Variants in ARMH3 observed in about 807,000 individuals in gnomAD.
The protein encoded by ARMH3 is armadillo-like helical domain-containing protein 3.
In ARMH3, 60 loss-of-function variants were observed where a neutral mutation model predicts 99.1. The observed-to-expected ratio is 0.61, with a 90% CI of 0.49 to 0.75. The LOEUF (loss-of-function observed/expected upper bound fraction) is 0.75. Among genes scored for constraint, ARMH3 ranks in the 30% least tolerant of loss-of-function variants. The probability of loss-of-function intolerance (pLI) is 0.00; values close to 1 mark genes in which losing one functional copy is unlikely to be tolerated. For synonymous variants in ARMH3, 285 were observed against 292.8 expected, an observed-to-expected ratio of 0.97 and a Z score of 0.27; for missense variants, 679 against 843.1, an observed-to-expected ratio of 0.81 and a Z score of 2.41.
chr10:101,951,183 G>A (rs542003004), intron 22 of ARMH3, among the ~76,000 whole-genome samples: 8 of 152,162 alleles, frequency 5.3e-5, no homozygotes, highest in Non-Finnish European at 1.0e-4. Context: ...TTTTGTCAGG[G>A]ATTGTAAGGT....
chr10:101,902,589 A>G (rs1386008001), intron 23 of ARMH3, among the ~76,000 whole-genome samples: 1 of 152,064 alleles, frequency 6.6e-6, no homozygotes, highest in East Asian at 1.9e-4. Context: ...CTTCAGGTCT[A>G]GAACAAGAGC....
intron 20 of ARMH3, among the ~76,000 whole-genome samples, chr10:101,966,107 T>C (rs943910465): frequency 2.6e-4 from 38 of 146,260 alleles, no homozygotes; most frequent in African/African-American, 9.3e-4. Flanking sequence ...CTTTTCTTTT[T>C]TTTTTTTTTT....
At chr10:102,000,397 G>T (rs778637735) in intron 15 of ARMH3, among the ~76,000 whole-genome samples, 44 of 152,092 alleles carry the variant, frequency 2.9e-4, no homozygotes, top group Admixed American at 8.5e-4. Flanking sequence ...GTTGCTGTCA[G>T]GCCTTGGGGC....
intron 24 of ARMH3, among the ~76,000 whole-genome samples, chr10:101,865,642 C>T (rs2066984964): frequency 6.6e-6 from 1 of 152,026 alleles, no homozygotes; most frequent in South Asian, 2.1e-4. Flanking sequence ...GCATGAACCA[C>T]CACTCCAGGC....
At chr10:101,871,631 C>T (rs2067134659) in intron 24 of ARMH3, among the ~76,000 whole-genome samples, 1 of 152,088 alleles carries the variant, frequency 6.6e-6, no homozygotes. Flanking sequence ...ACATTTACCA[C>T]ACACCATAAA....
At chr10:101,902,249 A>G (rs1431160066) in intron 23 of ARMH3, among the ~76,000 whole-genome samples, 1 of 152,214 alleles carries the variant, frequency 6.6e-6, no homozygotes, top group Admixed American at 6.5e-5. Context: ...TATTCAACAG[A>G]AACTCTCACA....
intron 8 of ARMH3, among the ~76,000 whole-genome samples, chr10:102,019,390 T>C (rs1225753951): frequency 1.3e-5 from 2 of 151,884 alleles, no homozygotes; most frequent in Non-Finnish European, 2.9e-5. Context: ...GTACTCCTTC[T>C]ACTTATTTAA....
intron 8 of ARMH3, among the ~76,000 whole-genome samples, chr10:102,015,030 T>A (rs1174258883): frequency 1.3e-5 from 2 of 152,188 alleles, no homozygotes; most frequent in Admixed American, 1.3e-4. Flanking sequence ...TCTGAGGGCA[T>A]CTTTCGCACG....
chr10:101,943,221 C>T (rs1034232559), intron 22 of ARMH3, among the ~76,000 whole-genome samples: 4 of 152,168 alleles, frequency 2.6e-5, no homozygotes, highest in Non-Finnish European at 4.4e-5. Context: ...TCTGCAGATC[C>T]CTTACATCTC....
chr10:102,046,348 A>G (rs1325191578), intron 1 of ARMH3, among the ~76,000 whole-genome samples: 2 of 148,104 alleles, frequency 1.4e-5, no homozygotes, highest in African/African-American at 2.4e-5. Context: ...AAAAGAAAAA[A>G]AAAAGAAAAA....
intron 1 of ARMH3, among the ~76,000 whole-genome samples, chr10:102,053,291 C>T (rs2067754220): frequency 1.3e-5 from 2 of 150,296 alleles, no homozygotes; most frequent in African/African-American, 2.5e-5. Context: ...CACCTCCTAG[C>T]AGTTTCCCCA....
intron 20 of ARMH3, among the ~76,000 whole-genome samples, chr10:101,970,275 A>G (rs1247896314): frequency 6.6e-6 from 1 of 152,236 alleles, no homozygotes; most frequent in Non-Finnish European, 1.5e-5. Flanking sequence ...GAAAAACAAA[A>G]GAAATTACTA....
chr10:101,965,600 T>G (rs1845497203), intron 20 of ARMH3, among the ~76,000 whole-genome samples: 1 of 152,256 alleles, frequency 6.6e-6, no homozygotes, highest in Admixed American at 6.5e-5. Flanking sequence ...TCTGTTATAC[T>G]TAATGAGGTT....
intron 24 of ARMH3, among the ~76,000 whole-genome samples, chr10:101,864,988 G>A (rs376570138): frequency 3.3e-5 from 5 of 151,384 alleles, no homozygotes; most frequent in Admixed American, 6.6e-5. Flanking sequence ...AGGCCGAGGC[G>A]GGCAGATCAC....
chr10:101,992,639 G>A (rs1299508862), intron 17 of ARMH3, among the ~76,000 whole-genome samples: 1 of 151,954 alleles, frequency 6.6e-6, no homozygotes, highest in Non-Finnish European at 1.5e-5. Flanking sequence ...GGGACTACAG[G>A]TGCCTGCCAC....
intron 1 of ARMH3, among the ~76,000 whole-genome samples, chr10:102,046,965 G>GAAAGTA (rs1459149969): frequency 6.6e-6 from 1 of 152,182 alleles, no homozygotes; most frequent in Non-Finnish European, 1.5e-5. Context: ...TGCCATGGTA[G>GAAAGTA]AAAGTAAAAG....
intron 19 of ARMH3, among the ~76,000 whole-genome samples, chr10:101,985,078 TACACACACACAC>T (rs35926257): frequency 4.4e-5 from 6 of 136,178 alleles, no homozygotes; most frequent in African/African-American, 8.2e-5. Context: ...AAAATATATA[TACACACACACAC>T]ACACACACAC....
intron 24 of ARMH3, among the ~76,000 whole-genome samples, chr10:101,874,932 C>T (rs913952492): frequency 6.6e-6 from 1 of 152,160 alleles, no homozygotes; most frequent in Non-Finnish European, 1.5e-5. Context: ...GGTGTGCACA[C>T]AGGCAAAGGT....
intron 14 of ARMH3, 73 bp downstream of exon 14, chr10:102,006,467 G>C: frequency 6.6e-7 from 1 of 1,510,258 alleles, no homozygotes; most frequent in Non-Finnish European, 9.2e-7. Context: ...GTTCTTTGTT[G>C]AACACAGCTA....
Sources: allele counts gnomAD v4.1 joint callset (sites outside exome capture counted in the v4.1 genomes callset), GRCh38; gene constraint gnomAD v4.1.1; transcripts MANE v1.5; gene names NCBI Gene and HGNC (gene_info 2026-07-23, HGNC 2026-07-21).